Variants in BRI3BP observed in about 807,000 individuals in gnomAD.
BRI3BP encodes BRI3 binding protein, also known as BRI3-binding protein.
A neutral mutation model predicts 15.8 loss-of-function variants in BRI3BP; 7 were observed. That is an observed-to-expected ratio of 0.44 (90% CI 0.25 to 0.83). BRI3BP has a LOEUF of 0.83. Among genes scored for constraint, BRI3BP ranks in the 40% least tolerant of loss-of-function variants. The probability of loss-of-function intolerance (pLI) is 0.20; values close to 1 mark genes in which losing one functional copy is unlikely to be tolerated. For missense variants in BRI3BP, 320 were observed against 339.3 expected (o/e 0.94, Z 0.45); for synonymous variants, 192 against 163.5 (o/e 1.17, Z -1.33).
chr12:125,027,922 C>T lies in BRI3BP; in HGVS notation c.*2492C>T, dbSNP rs919065492. On this transcript the variant is annotated 3_prime_UTR_variant, in exon 3 of 3. Transcript: ENST00000341446. ...CAGGATGGTCTCGATCTCCTGACCTCGTGATCCGCCCGCCTCGGCCTCCCA... is the reference window on the plus strand; with the variant it reads ...CAGGATGGTCTCGATCTCCTGACCTTGTGATCCGCCCGCCTCGGCCTCCCA... 6.6e-6 allele frequency: 1 copy of T among 152,110 alleles called. No individual in the cohort carries two copies. The highest frequency in any genetic ancestry group is 1.5e-5 in the Non-Finnish European group (1 of 68,044). 9.4% of individuals were successfully genotyped at this position (152,110 alleles called of 1,614,324 possible).
intron 1 of BRI3BP, among the ~76,000 whole-genome samples, chr12:125,007,928 G>T (rs921449764): frequency 3.9e-5 from 6 of 152,144 alleles, no homozygotes; most frequent in Non-Finnish European, 8.8e-5. Context: ...TAGTGCAGTG[G>T]CGCTCTGAAG....
chr12:125,035,394 C>CTTTTTT (rs55943185), downstream of BRI3BP, among the ~76,000 whole-genome samples: 1 of 131,938 alleles, frequency 7.6e-6, no homozygotes, highest in Non-Finnish European at 1.7e-5. Context: ...TAGGTATTGT[C>CTTTTTT]TTTTTTTTTT....
chr12:125,014,003 G>A (rs565219043), intron 2 of BRI3BP, among the ~76,000 whole-genome samples: 9 of 152,238 alleles, frequency 5.9e-5, no homozygotes, highest in African/African-American at 1.9e-4. Flanking sequence ...GCATTCCATC[G>A]GTGGGTGACA....
At chr12:124,998,430 C>T (rs1486700247) in intron 1 of BRI3BP, among the ~76,000 whole-genome samples, 1 of 152,078 alleles carries the variant, frequency 6.6e-6, no homozygotes, top group Non-Finnish European at 1.5e-5. Flanking sequence ...TATGATTCAG[C>T]CATAAAAAGG....
intron 2 of BRI3BP, among the ~76,000 whole-genome samples, chr12:125,022,891 A>G (rs1220533546): frequency 6.6e-6 from 1 of 152,224 alleles, no homozygotes; most frequent in Non-Finnish European, 1.5e-5. Context: ...TCTTAGATGT[A>G]TGATGAAGTA....
chr12:125,033,837 G>A (rs776738892), downstream of BRI3BP, among the ~76,000 whole-genome samples: 1 of 151,336 alleles, frequency 6.6e-6, no homozygotes, highest in Non-Finnish European at 1.5e-5. Context: ...CCATCTCCAC[G>A]GTTCAAGCAA....
intron 1 of BRI3BP, among the ~76,000 whole-genome samples, chr12:125,008,018 A>C (rs1955160313): frequency 6.6e-6 from 1 of 152,134 alleles, no homozygotes; most frequent in Non-Finnish European, 1.5e-5. Flanking sequence ...CTGTGGAAAC[A>C]GATTGCTGGG....
At chr12:125,022,541 A>ATTTATTTATTTT in intron 2 of BRI3BP, among the ~76,000 whole-genome samples, 26 of 139,426 alleles carry the variant, frequency 1.9e-4, no homozygotes, top group African/African-American at 7.0e-4. Context: ...TTATTTATTT[A>ATTTATTTATTTT]TTTTTTGAGA....
At chr12:125,020,808 A>C (rs1429996357) in intron 2 of BRI3BP, among the ~76,000 whole-genome samples, 2 of 152,140 alleles carry the variant, frequency 1.3e-5, no homozygotes, top group East Asian at 3.8e-4. Context: ...TGAGCCCAGG[A>C]GGTAGAGGTT....
At chr12:125,037,123 A>G in the BRI3BP span, among the ~76,000 whole-genome samples, 2 of 152,210 alleles carry the variant, frequency 1.3e-5, no homozygotes, top group African/African-American at 2.4e-5. Context: ...GCAATGGCAC[A>G]ATCTTTGCTC....
chr12:125,035,394 C>CT (rs55943185), downstream of BRI3BP, among the ~76,000 whole-genome samples: 1,616 of 131,912 alleles, frequency 0.012, 21 homozygotes, highest in African/African-American at 0.033. Flanking sequence ...TAGGTATTGT[C>CT]TTTTTTTTTT....
At chr12:125,037,929 T>C in the BRI3BP span, among the ~76,000 whole-genome samples, 1 of 152,198 alleles carries the variant, frequency 6.6e-6, no homozygotes, top group Non-Finnish European at 1.5e-5. Flanking sequence ...TTGGAATTTC[T>C]AAAAGTGCTG....
chr12:125,038,207 G>A, the BRI3BP span, among the ~76,000 whole-genome samples: 1 of 151,196 alleles, frequency 6.6e-6, no homozygotes, highest in African/African-American at 2.4e-5. Flanking sequence ...TGCCTTGGGG[G>A]CAGAGTTTGC....
intron 2 of BRI3BP, among the ~76,000 whole-genome samples, chr12:125,017,112 C>T (rs569986510): frequency 2.0e-5 from 3 of 151,810 alleles, no homozygotes; most frequent in East Asian, 3.9e-4. Flanking sequence ...CTCCACCTCC[C>T]GGGTTCAAGC....
At chr12:125,003,637 A>G (rs546378366) in intron 1 of BRI3BP, among the ~76,000 whole-genome samples, 20 of 152,256 alleles carry the variant, frequency 1.3e-4, no homozygotes, top group African/African-American at 4.8e-4. Context: ...ATCTTTAACA[A>G]TAAAAATTTT....
chr12:125,031,069 A>T lies in BRI3BP; in HGVS notation c.*5639A>T, dbSNP rs1381356200. 1 of 151,248 alleles carries T rather than the reference A, an allele frequency of 6.6e-6. No homozygotes were observed. The highest frequency in any genetic ancestry group is 2.5e-5 in the African/African-American group (1 of 40,704). The allele number at this position is 151,248 out of a possible 1,614,324, so 9.4% of individuals were successfully genotyped here. ...CAGGCATTTTTTTGCAAAGCGATAT[A>T]TACATTCCTCTTATTTATTAAATCA... is the stretch of plus-strand genomic sequence containing the variant. On this transcript the variant is annotated 3_prime_UTR_variant, in exon 3 of 3. Coordinates refer to ENST00000341446, the MANE Select transcript of BRI3BP (RefSeq NM_080626.6).
At chr12:125,044,999 C>T in the BRI3BP span, among the ~76,000 whole-genome samples, 2 of 152,158 alleles carry the variant, frequency 1.3e-5, no homozygotes, top group African/African-American at 4.8e-5. Flanking sequence ...TTACTAAAGA[C>T]ATAATGCCAG....
chr12:125,023,491 T>G (rs1402193629), intron 2 of BRI3BP, among the ~76,000 whole-genome samples: 5 of 152,224 alleles, frequency 3.3e-5, no homozygotes, highest in Admixed American at 2.0e-4. Context: ...TTTGTTACTA[T>G]GGAAATTGAA....
downstream of BRI3BP, among the ~76,000 whole-genome samples, chr12:125,032,636 C>T (rs747905521): frequency 1.3e-5 from 2 of 151,326 alleles, no homozygotes; most frequent in Admixed American, 6.6e-5. Flanking sequence ...GGTGCAGTGG[C>T]GCCTGCCTGT....
Sources: allele counts gnomAD v4.1 joint callset (sites outside exome capture counted in the v4.1 genomes callset), GRCh38; gene constraint gnomAD v4.1.1; transcripts MANE v1.5; gene names NCBI Gene and HGNC (gene_info 2026-07-23, HGNC 2026-07-21).